YY1: variants seen among roughly 807,000 people sequenced by gnomAD.
YY1 encodes the protein YY1 transcription factor.
In YY1, 2 loss-of-function variants were observed where a neutral mutation model predicts 35.6. The observed-to-expected ratio is 0.06, with a 90% CI of 0.02 to 0.18. YY1 has a LOEUF of 0.18. Ranked by LOEUF, YY1 falls within the 10% of genes least tolerant of loss-of-function variation. The probability of loss-of-function intolerance (pLI) is 1.00; values close to 1 mark genes in which losing one functional copy is unlikely to be tolerated. For synonymous variants in YY1, 268 were observed against 238.9 expected (o/e 1.12, Z -1.12); for missense variants, 322 against 573.4 (o/e 0.56, Z 4.48).
At position 100,256,552 on chromosome 14, in the gene YY1, G is replaced by A. The variant is rs147072068; in HGVS notation, c.680-5752G>A. Among the ~76,000 whole-genome samples, 461 of 152,330 alleles carry A rather than the reference G, an allele frequency of 3.0e-3. 4 individuals are homozygous for A. The highest frequency in any genetic ancestry group is 0.011 in the African/African-American group (448 of 41,576). Reference sequence around the variant, plus strand: ...AATGTTGTTATATGTTACAACAGGTGGGTCTTAAAAACATTATGCTTAGTG... The same window carrying A: ...AATGTTGTTATATGTTACAACAGGTAGGTCTTAAAAACATTATGCTTAGTG... On this transcript the variant is annotated intron_variant, in intron 1 of 4. Coordinates refer to ENST00000262238, the MANE Select transcript of YY1 (RefSeq NM_003403.5).
chr14:100,241,764 C>G (rs1466599842), intron 1 of YY1, among the ~76,000 whole-genome samples: 1 of 152,118 alleles, frequency 6.6e-6, no homozygotes, highest in African/African-American at 2.4e-5. Flanking sequence ...CACTTGAAGT[C>G]TGGAGTTCGA....
Position 100,239,385 on chromosome 14 carries a change from GGACGACGAC to G in YY1, c.147_155del (p.Asp49_Asp51del), listed in dbSNP as rs748854104. 3.1e-6 allele frequency: 5 copies of G among 1,594,986 alleles called. No individual in the cohort carries two copies. Among genetic ancestry groups the G allele is most frequent in the South Asian group, 2.2e-5 (2 of 89,376 alleles). On this transcript the variant is annotated inframe_deletion, in exon 1 of 5. Transcript: ENST00000262238. ...CAGTGGTGGGCGAGGAGGAGGAGGA[GGACGACGAC>G]GACGAGGACGGCGGCGGTGGCGACC...
chr14:100,260,424 AATAT>A (rs59427565), intron 1 of YY1, among the ~76,000 whole-genome samples: 51,626 of 141,014 alleles, frequency 0.37, 9,540 homozygotes, highest in South Asian at 0.53. Context: ...TGAATATATG[AATAT>A]ATATATATAT....
Position 100,276,170 on chromosome 14 carries a change from G to A in YY1, c.904-320G>A, listed in dbSNP as rs1366107910. Reference sequence around the variant, plus strand: ...ATAGTCGGGTGAGGTGGCTGTGGTAGAGCTGGAAGCCAGGGTGTTGGGTTC... The same window carrying A: ...ATAGTCGGGTGAGGTGGCTGTGGTAAAGCTGGAAGCCAGGGTGTTGGGTTC... On this transcript the variant is annotated intron_variant, in intron 3 of 4. Coordinates refer to ENST00000262238, the MANE Select transcript of YY1 (RefSeq NM_003403.5). This position sits in a 1 kb window ranked among gnomAD's most constrained non-coding sequence, Gnocchi z 4.1. 1 of 370,730 alleles carries A rather than the reference G, an allele frequency of 2.7e-6. No individual in the cohort carries two copies. Among genetic ancestry groups the A allele is most frequent in the East Asian group, 6.6e-5 (1 of 15,178 alleles). 23.0% of individuals were successfully genotyped at this position (370,730 alleles called of 1,614,324 possible). A position where few individuals can be genotyped will look rare whatever the true frequency, so the allele number is the denominator to read the frequency against.
chr14:100,261,323 G>T (rs1296896554), intron 1 of YY1, among the ~76,000 whole-genome samples: 1 of 152,012 alleles, frequency 6.6e-6, no homozygotes, highest in Non-Finnish European at 1.5e-5. Context: ...TGAGTAGCTG[G>T]TATTACAGGC....
intron 1 of YY1, among the ~76,000 whole-genome samples, chr14:100,259,433 T>G (rs1340372586): frequency 4.0e-5 from 6 of 151,846 alleles, no homozygotes. Context: ...GGCAGGAGAA[T>G]CACTTGAACC....
intron 1 of YY1, among the ~76,000 whole-genome samples, chr14:100,256,108 CTCTAG>C (rs542888387): frequency 1.2e-3 from 186 of 151,636 alleles, no homozygotes; most frequent in Non-Finnish European, 2.2e-3. Flanking sequence ...ACTATGATCA[CTCTAG>C]TCTGGTCAAC....
chr14:100,256,152 A>C (rs1224266022), intron 1 of YY1, among the ~76,000 whole-genome samples: 1 of 151,544 alleles, frequency 6.6e-6, no homozygotes, highest in Non-Finnish European at 1.5e-5. Flanking sequence ...AAAAAAAAAA[A>C]AACATCTATA....
intron 3 of YY1, among the ~76,000 whole-genome samples, chr14:100,275,171 G>A (rs1340369906): frequency 6.6e-6 from 1 of 152,146 alleles, no homozygotes; most frequent in African/African-American, 2.4e-5. Context: ...GATTAGAGAG[G>A]CACTTAATTG....
rs977496039 is a variant in YY1 at position 100,239,200 on chromosome 14, C to T, written c.-45C>T. The T allele has an allele frequency of 1.4e-6, 2 of 1,412,378 alleles. No individual in the cohort carries two copies. Among genetic ancestry groups the T allele is most frequent in the South Asian group, 1.5e-5 (1 of 67,158 alleles). 87.5% of individuals were successfully genotyped at this position (1,412,378 alleles called of 1,614,324 possible). On this transcript the variant is annotated 5_prime_UTR_variant, in exon 1 of 5. Coordinates refer to ENST00000262238, the MANE Select transcript of YY1 (RefSeq NM_003403.5). ...GCCTCCTCGCCCGCCCGCCCGCAGC[C>T]GAGGAGCCGAGGCCGCCGCGGCCGT...
chr14:100,276,313 C>CA lies in YY1; in HGVS notation c.904-176dup, dbSNP rs773241729. On this transcript the variant is annotated intron_variant, in intron 3 of 4. Transcript: ENST00000262238. The surrounding 1 kb of genome is among the most constrained non-coding windows in gnomAD (Gnocchi z 4.1). ...GGTTTGCATTGAATGATGACTTTTTCAGCTGTCTGCTTTTTGTCTTAAATG... is the reference window on the plus strand; with the variant it reads ...GGTTTGCATTGAATGATGACTTTTTCAAGCTGTCTGCTTTTTGTCTTAAATG... The CA allele has an allele frequency of 2.1e-5, 17 of 828,442 alleles. No individual in the cohort carries two copies. Among genetic ancestry groups the CA allele is most frequent in the Non-Finnish European group, 3.2e-5 (17 of 539,118 alleles). 51.3% of individuals were successfully genotyped at this position (828,442 alleles called of 1,614,324 possible). A position where few individuals can be genotyped will look rare whatever the true frequency, so the allele number is the denominator to read the frequency against.
rs1595335326 is a variant in YY1, at chr14:100,277,661, TA to T, written c.*64del. The stretch of plus-strand genomic sequence containing the variant: ...CATCTTCCAGAAGTGTGATTGGGAA[TA>T]AATATGCCTCTCCTTTGTATATTAT... On this transcript the variant is annotated 3_prime_UTR_variant, in exon 5 of 5. Transcript: ENST00000262238. This position sits in a 1 kb window ranked among gnomAD's most constrained non-coding sequence, Gnocchi z 5.6. 4 of 1,515,470 alleles carry T rather than the reference TA, an allele frequency of 2.6e-6. No individual in the cohort carries two copies. Among genetic ancestry groups the T allele is most frequent in the East Asian group, 4.6e-5 (2 of 43,288 alleles). The allele number at this position is 1,515,470 out of a possible 1,614,324, so 93.9% of individuals were successfully genotyped here. A position where few individuals can be genotyped will look rare whatever the true frequency, so the allele number is the denominator to read the frequency against.
intron 1 of YY1, among the ~76,000 whole-genome samples, chr14:100,258,769 G>A (rs1191991481): frequency 2.0e-5 from 3 of 152,244 alleles, no homozygotes; most frequent in Non-Finnish European, 4.4e-5. Context: ...TCCTTGTAAT[G>A]ATGTATAATT....
At chr14:100,248,966 C>T (rs556548236) in intron 1 of YY1, among the ~76,000 whole-genome samples, 39 of 152,090 alleles carry the variant, frequency 2.6e-4, no homozygotes, top group African/African-American at 7.7e-4. Context: ...GGATTACAGG[C>T]GTTAGCCATC....
intron 1 of YY1, among the ~76,000 whole-genome samples, chr14:100,248,502 A>AT (rs1165710716): frequency 1.3e-5 from 2 of 151,804 alleles, no homozygotes; most frequent in Admixed American, 6.6e-5. Context: ...AGAAAAAAAA[A>AT]TTTTTTTGAG....
intron 1 of YY1, 142 bp downstream of exon 1, chr14:100,240,065 G>T: frequency 1.3e-6 from 1 of 773,404 alleles, no homozygotes; most frequent in Non-Finnish European, 1.7e-6. Flanking sequence ...TGCGGCGGCG[G>T]GGGCGCGGCG....
At chr14:100,241,168 T>C (rs1048107816) in intron 1 of YY1, among the ~76,000 whole-genome samples, 2 of 152,242 alleles carry the variant, frequency 1.3e-5, no homozygotes, top group Admixed American at 6.5e-5. Flanking sequence ...AGATACTAAA[T>C]AGACTGAGAA....
chr14:100,276,707 AGG>A lies in YY1; in HGVS notation c.1062+60_1062+61del, dbSNP rs776424053. 5.6e-4 allele frequency: 895 copies of A among 1,611,268 alleles called. No individual in the cohort carries two copies. The highest frequency in any genetic ancestry group is 7.3e-4 in the Non-Finnish European group (861 of 1,178,598). On this transcript the variant is annotated intron_variant, in intron 4 of 4. Coordinates refer to ENST00000262238, the MANE Select transcript of YY1 (RefSeq NM_003403.5). The surrounding 1 kb of genome is among the most constrained non-coding windows in gnomAD (Gnocchi z 4.1). ...TTGCCTGTCTGAACACTGCAAGTGT[AGG>A]TGGTGTGGTGATGAGGCAGGAGGCG... is the stretch of plus-strand genomic sequence containing the variant.
chr14:100,268,825 C>G (rs1365325110), intron 2 of YY1, among the ~76,000 whole-genome samples: 1 of 152,192 alleles, frequency 6.6e-6, no homozygotes, highest in Non-Finnish European at 1.5e-5. Flanking sequence ...TGGAAGTCAG[C>G]TAACCTTGTT....
Sources: allele counts gnomAD v4.1 joint callset (sites outside exome capture counted in the v4.1 genomes callset), GRCh38; gene constraint gnomAD v4.1.1; non-coding constraint Gnocchi (gnomAD v3.1); transcripts MANE v1.5; gene names NCBI Gene and HGNC (gene_info 2026-07-23, HGNC 2026-07-21).